PTPN3: variants seen among roughly 807,000 people sequenced by gnomAD.
PTPN3 encodes tyrosine-protein phosphatase non-receptor type 3.
A neutral mutation model predicts 132.7 loss-of-function variants in PTPN3; 96 were observed. The ratio of observed to expected loss-of-function variants is 0.72; its 90% CI spans 0.61 to 0.86. The LOEUF (loss-of-function observed/expected upper bound fraction) is 0.86, where lower values mean the gene tolerates loss of function less well. Ranked by LOEUF, PTPN3 falls within the 40% of genes least tolerant of loss-of-function variation. The pLI, the probability that PTPN3 is intolerant of heterozygous loss-of-function variation, is 0.00. For synonymous variants in PTPN3, 398 were observed against 429.0 expected, an observed-to-expected ratio of 0.93 and a Z score of 0.89; for missense variants, 1,125 against 1,159.6, an observed-to-expected ratio of 0.97 and a Z score of 0.43.
Position 109,436,899 on chromosome 9 carries a change from T to G in PTPN3, c.659A>C (p.Glu220Ala), listed in dbSNP as rs1461318097. The G allele has an allele frequency of 6.2e-7, 1 of 1,613,988 alleles. No individual in the cohort carries two copies. Among genetic ancestry groups the G allele is most frequent in the Non-Finnish European group, 8.5e-7 (1 of 1,179,996 alleles). Reference sequence around the variant, plus strand: ...AATACATACCCTACCACTGTGCAGTTCTACTCCATAGAAGTCGAGGGTCCG... The same window carrying G: ...AATACATACCCTACCACTGTGCAGTGCTACTCCATAGAAGTCGAGGGTCCG... ...IARTLDFYGVELHSGRDLHNL... is the reference protein window; with the variant it reads ...IARTLDFYGVALHSGRDLHNL... Residue 220 changes from glutamate to alanine, a missense_variant, in exon 9 of 26, where the codon GAA (glutamate) becomes GCA (alanine). Coordinates refer to ENST00000374541, the MANE Select transcript of PTPN3 (RefSeq NM_002829.4).
intron 1 of PTPN3, among the ~76,000 whole-genome samples, chr9:109,486,497 T>TTA (rs1847216132): frequency 6.6e-6 from 1 of 152,090 alleles, no homozygotes; most frequent in Non-Finnish European, 1.5e-5. Flanking sequence ...GTGGACAGGC[T>TTA]TGTCCAGGGC....
chr9:109,456,866 C>G (rs541658325), intron 4 of PTPN3, among the ~76,000 whole-genome samples: 1 of 152,206 alleles, frequency 6.6e-6, no homozygotes, highest in East Asian at 1.9e-4. Context: ...GCTCTCACAT[C>G]GGGCTAAGTA....
the PTPN3 span, among the ~76,000 whole-genome samples, chr9:109,504,526 CA>C: frequency 2.6e-5 from 4 of 152,290 alleles, no homozygotes; most frequent in East Asian, 3.9e-4. Context: ...CCAGATTATG[CA>C]TATATTTTTA....
chr9:109,468,631 G>C (rs1280603492), intron 1 of PTPN3, among the ~76,000 whole-genome samples: 1 of 152,234 alleles, frequency 6.6e-6, no homozygotes, highest in African/African-American at 2.4e-5. Flanking sequence ...CTCCCAAAGT[G>C]CTGGGATTAC....
chr9:109,473,492 G>A (rs1846479989), intron 1 of PTPN3, among the ~76,000 whole-genome samples: 1 of 152,154 alleles, frequency 6.6e-6, no homozygotes, highest in Non-Finnish European at 1.5e-5. Context: ...ATCCTGGCAG[G>A]GTAAGAAGTA....
intron 1 of PTPN3, among the ~76,000 whole-genome samples, chr9:109,482,496 T>G (rs1216603801): frequency 6.6e-6 from 1 of 152,258 alleles, no homozygotes; most frequent in African/African-American, 2.4e-5. Context: ...TCTGTTATTT[T>G]CTATGATGAG....
the PTPN3 span, among the ~76,000 whole-genome samples, chr9:109,503,367 T>C: frequency 6.6e-6 from 1 of 152,202 alleles, no homozygotes; most frequent in Non-Finnish European, 1.5e-5. Flanking sequence ...GAATCTCACT[T>C]TGAGAAACAC....
chr9:109,511,640 T>A, the PTPN3 span: 1 of 152,980 alleles, frequency 6.5e-6, no homozygotes, highest in Admixed American at 6.5e-5. Flanking sequence ...CAGGCCAGGT[T>A]TATCTCAGTC....
intron 1 of PTPN3, among the ~76,000 whole-genome samples, chr9:109,473,207 A>C (rs1396187694): frequency 6.6e-6 from 1 of 152,214 alleles, no homozygotes; most frequent in African/African-American, 2.4e-5. Context: ...CTGATACTCC[A>C]AAAGTACAAT....
intron 5 of PTPN3, chr9:109,450,813 C>T: frequency 1.0e-6 from 1 of 985,398 alleles, no homozygotes; most frequent in Non-Finnish European, 1.2e-6. Context: ...TTGTGGGTAC[C>T]CCACCTGTGA....
chr9:109,392,385 T>C (rs1218778780), intron 19 of PTPN3, among the ~76,000 whole-genome samples: 1 of 152,164 alleles, frequency 6.6e-6, no homozygotes, highest in African/African-American at 2.4e-5. Flanking sequence ...AAGTGATTTT[T>C]TTTTTTTGCG....
chr9:109,380,231 A>ATCTATCTATCTG (rs1457054919), intron 25 of PTPN3, among the ~76,000 whole-genome samples: 3 of 150,416 alleles, frequency 2.0e-5, no homozygotes, highest in African/African-American at 7.4e-5. Context: ...CTATCTATCT[A>ATCTATCTATCTG]TCTATCTATC....
the PTPN3 span, among the ~76,000 whole-genome samples, chr9:109,514,008 G>A: frequency 6.6e-6 from 1 of 152,034 alleles, no homozygotes; most frequent in Non-Finnish European, 1.5e-5. Context: ...CATCCTACAA[G>A]CCTGCTCCTT....
intron 1 of PTPN3, among the ~76,000 whole-genome samples, chr9:109,494,962 A>AC (rs1847613904): frequency 6.6e-6 from 1 of 152,060 alleles, no homozygotes; most frequent in African/African-American, 2.4e-5. Flanking sequence ...CTGGAGATGC[A>AC]ACATTTCTGG....
At chr9:109,435,982 C>G (rs1844020897) in intron 9 of PTPN3, among the ~76,000 whole-genome samples, 3 of 152,122 alleles carry the variant, frequency 2.0e-5, no homozygotes, top group South Asian at 2.1e-4. Flanking sequence ...GATTTAAAAT[C>G]TGATCATTTA....
At chr9:109,482,477 T>G (rs1847006723) in intron 1 of PTPN3, among the ~76,000 whole-genome samples, 1 of 152,244 alleles carries the variant, frequency 6.6e-6, no homozygotes, top group African/African-American at 2.4e-5. Context: ...TTTCTATTCT[T>G]TCAACTTTTC....
rs568549898 is a variant in PTPN3, at chr9:109,425,286, A to G, written c.1001+1664T>C. On this transcript the variant is annotated intron_variant, in intron 12 of 25. Coordinates refer to ENST00000374541, the MANE Select transcript of PTPN3 (RefSeq NM_002829.4). The stretch of plus-strand genomic sequence containing the variant: ...CCCTAATGATTATCAATGTATTAGG[A>G]AAGTAACTGGAACAGTCTGATGCAG... Among the ~76,000 whole-genome samples, 26 of 152,370 alleles carry G rather than the reference A, an allele frequency of 1.7e-4. No homozygotes were observed. The South Asian group carries it at 1.9e-3, about 11-fold the overall frequency.
At chr9:109,528,033 G>C in the PTPN3 span, among the ~76,000 whole-genome samples, 1 of 152,178 alleles carries the variant, frequency 6.6e-6, no homozygotes, top group African/African-American at 2.4e-5. Flanking sequence ...TATGCATTAG[G>C]CTAATGCAAT....
chr9:109,450,063 T>C (rs1226527616), intron 5 of PTPN3: 2 of 984,310 alleles, frequency 2.0e-6, no homozygotes, highest in Non-Finnish European at 2.4e-6. Flanking sequence ...TATTTTAACC[T>C]GGATGATCAT....
Sources: allele counts gnomAD v4.1 joint callset (sites outside exome capture counted in the v4.1 genomes callset), GRCh38; gene constraint gnomAD v4.1.1; transcripts MANE v1.5; gene names NCBI Gene and HGNC (gene_info 2026-07-23, HGNC 2026-07-21).